Variants in ZNF292 observed in about 807,000 individuals in gnomAD.
ZNF292 encodes zinc finger protein 292, also known as 16 zinc-finger domain protein.
A neutral mutation model predicts 217.9 loss-of-function variants in ZNF292; 26 were observed. The observed-to-expected ratio is 0.12, with a 90% confidence interval of 0.09 to 0.17. The LOEUF is 0.17. Ranked by LOEUF, ZNF292 falls within the 10% of genes least tolerant of loss-of-function variation. ZNF292 has a pLI of 1.00. For missense variants in ZNF292, 2,904 were observed against 3,175.2 expected (o/e 0.91, Z 2.05); for synonymous variants, 1,257 against 1,124.1 (o/e 1.12, Z -2.37).
At chr6:87,175,446 C>A (rs1217085438) in intron 1 of ZNF292, among the ~76,000 whole-genome samples, 1 of 152,138 alleles carries the variant, frequency 6.6e-6, no homozygotes, top group Non-Finnish European at 1.5e-5. Context: ...AGTGATTCTC[C>A]TGCCTCAGCC....
intron 5 of ZNF292, 22 bp downstream of exon 5, chr6:87,233,549 AGTAATTATTT>A (rs1773756064): frequency 6.3e-7 from 1 of 1,575,320 alleles, no homozygotes; most frequent in East Asian, 2.3e-5. Context: ...TTCTTTCATT[AGTAATTATTT>A]TTTAAGTTGA....
intron 1 of ZNF292, among the ~76,000 whole-genome samples, chr6:87,189,393 A>ATAT (rs907652502): frequency 9.2e-5 from 14 of 151,660 alleles, no homozygotes; most frequent in South Asian, 2.1e-4. Context: ...CAATATTCAT[A>ATAT]TATTATTATT....
At chr6:87,229,578 C>G (rs564296401) in intron 4 of ZNF292, among the ~76,000 whole-genome samples, 122 of 152,246 alleles carry the variant, frequency 8.0e-4, no homozygotes, top group Non-Finnish European at 1.4e-3. Flanking sequence ...AGGCATGCGC[C>G]TCCACGCCCA....
At chr6:87,232,059 A>C (rs1773682821) in intron 4 of ZNF292, among the ~76,000 whole-genome samples, 1 of 152,282 alleles carries the variant, frequency 6.6e-6, no homozygotes, top group African/African-American at 2.4e-5. Context: ...AGGCACCAGA[A>C]ACATATGCTT....
intron 1 of ZNF292, among the ~76,000 whole-genome samples, chr6:87,161,492 G>A (rs762621245): frequency 6.6e-5 from 10 of 152,188 alleles, no homozygotes; most frequent in Non-Finnish European, 1.3e-4. Context: ...ACACAGTCAC[G>A]GCTCACTGCA....
At position 87,261,002 on chromosome 6, in the gene ZNF292, G is replaced by T. The variant is rs768777520; in HGVS notation, c.7373G>T (p.Ser2458Ile). The change falls in exon 8 of 8, where the codon AGC becomes ATC. Residue 2458 changes from serine to isoleucine, a missense_variant. Physicochemically the swap from Ser to Ile is moderately radical, Grantham distance 142 (BLOSUM62 -2). Coordinates refer to ENST00000369577, the MANE Select transcript of ZNF292 (RefSeq NM_015021.3). ...VKDSDTCVSE[S>I]NDNSRTTATV... Reference sequence around the variant, plus strand: ...GATTCTGACACGTGTGTATCAGAGAGCAATGATAATTCAAGAACAACAGCT... The same window carrying T: ...GATTCTGACACGTGTGTATCAGAGATCAATGATAATTCAAGAACAACAGCT... 1 of 1,605,562 alleles carries T rather than the reference G, an allele frequency of 6.2e-7. No individual in the cohort carries two copies. The highest frequency in any genetic ancestry group is 1.6e-4 in the Middle Eastern group (1 of 6,080).
chr6:87,243,712 T>A, intron 6 of ZNF292, 101 bp downstream of exon 6: 5 of 1,158,170 alleles, frequency 4.3e-6, no homozygotes, highest in Non-Finnish European at 4.5e-6. Context: ...TAAAATCTTT[T>A]TAAGACAAAA....
intron 1 of ZNF292, among the ~76,000 whole-genome samples, chr6:87,210,229 G>A (rs1376501643): frequency 9.2e-5 from 14 of 151,950 alleles, no homozygotes; most frequent in Non-Finnish European, 5.9e-5. Flanking sequence ...TGTTCTCAAG[G>A]GGTTAAAAAT....
rs780917120 is a variant in ZNF292, at chr6:87,260,720, A to G, written c.7091A>G (p.His2364Arg). ...NKPYSLKRGK[H>R]VYSIKARNDA... ...CCTTATTCTCTGAAACGTGGGAAGCATGTATATTCTATAAAGGCTAGAAAT... is the reference window on the plus strand; with the variant it reads ...CCTTATTCTCTGAAACGTGGGAAGCGTGTATATTCTATAAAGGCTAGAAAT... The change falls in exon 8 of 8, where the codon CAT becomes CGT. Residue 2364 changes from histidine (H) to arginine (R), a missense_variant. By Grantham distance (29) the His-to-Arg change is conservative. Coordinates refer to ENST00000369577, the MANE Select transcript of ZNF292 (RefSeq NM_015021.3). The G allele has an allele frequency of 3.0e-5, 48 of 1,613,404 alleles. No homozygotes were observed. Among genetic ancestry groups the G allele is most frequent in the Non-Finnish European group, 3.9e-5 (46 of 1,179,658 alleles).
At chr6:87,196,098 A>G (rs1771947824) in intron 1 of ZNF292, among the ~76,000 whole-genome samples, 1 of 152,154 alleles carries the variant, frequency 6.6e-6, no homozygotes, top group Non-Finnish European at 1.5e-5. Flanking sequence ...GCTTATCAAG[A>G]ATACTTTCAA....
intron 1 of ZNF292, among the ~76,000 whole-genome samples, chr6:87,209,172 A>G (rs896660089): frequency 1.3e-5 from 2 of 148,492 alleles, no homozygotes; most frequent in Non-Finnish European, 3.0e-5. Context: ...GATTATGCAG[A>G]GTTAGTGGGT....
chr6:87,228,455 G>C (rs1421474835), intron 4 of ZNF292, among the ~76,000 whole-genome samples: 1 of 151,962 alleles, frequency 6.6e-6, no homozygotes, highest in Non-Finnish European at 1.5e-5. Flanking sequence ...TTTTATTTTT[G>C]CTTTTGTTGC....
In ZNF292 at chr6:87,215,963, G is replaced by T. The variant is rs374375873; in HGVS notation, c.229G>T (p.Val77Leu). ...AGAAGATCCTTTACCTTTATTGGAG[G>T]TATACACAGTGGCTATCCAAAGTTA... is the stretch of plus-strand genomic sequence containing the variant. Reference protein sequence around the residue: ...TSEDPLPLLEVYTVAIQSYVK... With the variant: ...TSEDPLPLLELYTVAIQSYVK... The change falls in exon 2 of 8, where the codon GTA becomes TTA. Residue 77 changes from valine (V) to leucine (L), a missense_variant. Val to Leu is a conservative substitution (Grantham distance 32, BLOSUM62 1). Transcript: ENST00000369577. 14 of 1,600,044 alleles carry T rather than the reference G, an allele frequency of 8.7e-6. No homozygotes were observed. The highest frequency in any genetic ancestry group is 3.4e-6 in the Non-Finnish European group (4 of 1,175,888).
chr6:87,156,548 G>T (rs2127766499), intron 1 of ZNF292, among the ~76,000 whole-genome samples: 1 of 152,334 alleles, frequency 6.6e-6, no homozygotes, highest in South Asian at 2.1e-4. Context: ...CCTTCGAGGA[G>T]TATGATTTCC....
At chr6:87,207,104 C>T (rs1354050978) in intron 1 of ZNF292, among the ~76,000 whole-genome samples, 6 of 152,222 alleles carry the variant, frequency 3.9e-5, no homozygotes, top group African/African-American at 1.2e-4. Flanking sequence ...GATTTGCGTG[C>T]GCATGTGCAT....
At chr6:87,215,384 G>T (rs1237704187) in intron 1 of ZNF292, among the ~76,000 whole-genome samples, 1 of 151,982 alleles carries the variant, frequency 6.6e-6, no homozygotes, top group East Asian at 1.9e-4. Flanking sequence ...GTCTTTGGAT[G>T]ACTTTTTAAT....
intron 5 of ZNF292, among the ~76,000 whole-genome samples, chr6:87,233,952 G>GAA (rs891919573): frequency 2.7e-4 from 41 of 152,124 alleles, no homozygotes; most frequent in Admixed American, 2.0e-3. Flanking sequence ...ATTCTATATA[G>GAA]AATATATATA....
intron 5 of ZNF292, among the ~76,000 whole-genome samples, chr6:87,236,171 G>A (rs1400073371): frequency 6.6e-6 from 1 of 152,092 alleles, no homozygotes; most frequent in East Asian, 1.9e-4. Flanking sequence ...ATTAATGTAC[G>A]TTACTTGCCT....
intron 1 of ZNF292, among the ~76,000 whole-genome samples, chr6:87,211,285 C>G (rs1430301599): frequency 6.6e-6 from 1 of 152,170 alleles, no homozygotes; most frequent in African/African-American, 2.4e-5. Context: ...TAAACTTCAA[C>G]CTAGTGGTCC....
Sources: allele counts gnomAD v4.1 joint callset (sites outside exome capture counted in the v4.1 genomes callset), GRCh38; gene constraint gnomAD v4.1.1; transcripts MANE v1.5; gene names NCBI Gene and HGNC (gene_info 2026-07-23, HGNC 2026-07-21).